SLC35A1: variants seen among roughly 807,000 people sequenced by gnomAD.
SLC35A1 encodes the protein CMP-sialic acid transporter.
A neutral mutation model predicts 40.3 loss-of-function variants in SLC35A1; 21 were observed. That is an observed-to-expected ratio of 0.52 (90% CI 0.37 to 0.75). The LOEUF (loss-of-function observed/expected upper bound fraction) is 0.75, where lower values mean the gene tolerates loss of function less well. Among genes scored for constraint, SLC35A1 ranks in the 30% least tolerant of loss-of-function variants. The pLI, the probability that SLC35A1 is intolerant of heterozygous loss-of-function variation, is 0.00. For missense variants in SLC35A1, 297 were observed against 382.1 expected (o/e 0.78, Z 1.86); for synonymous variants, 146 against 147.3 (o/e 0.99, Z 0.06).
intron 4 of SLC35A1, among the ~76,000 whole-genome samples, chr6:87,505,933 C>T (rs1582194755): frequency 6.6e-6 from 1 of 152,106 alleles, no homozygotes; most frequent in Non-Finnish European, 1.5e-5. Flanking sequence ...ACTAAAAATT[C>T]AATAAATTGG....
intron 2 of SLC35A1, among the ~76,000 whole-genome samples, chr6:87,487,729 G>A (rs1207470952): frequency 6.6e-6 from 1 of 152,190 alleles, no homozygotes; most frequent in Non-Finnish European, 1.5e-5. Context: ...TGCAAAAAAT[G>A]TGGTACTGAA....
intron 4 of SLC35A1, among the ~76,000 whole-genome samples, chr6:87,501,699 C>T (rs1447235349): frequency 1.3e-5 from 2 of 152,188 alleles, no homozygotes; most frequent in Non-Finnish European, 2.9e-5. Context: ...TCAAACATCT[C>T]AGAAACACTG....
intron 2 of SLC35A1, among the ~76,000 whole-genome samples, chr6:87,489,413 G>GTT (rs1335061820): frequency 6.6e-6 from 1 of 151,698 alleles, no homozygotes; most frequent in African/African-American, 2.4e-5. Context: ...TGCTCCTCAT[G>GTT]TTTTGCTCTC....
At chr6:87,511,330 T>C in intron 7 of SLC35A1, 69 bp from the exon 8 acceptor site, 1 of 1,562,172 alleles carries the variant, frequency 6.4e-7, no homozygotes, top group South Asian at 1.1e-5. Flanking sequence ...GTTTTCAAAA[T>C]TTTAAACTGA....
rs1246048227 is a variant in SLC35A1, at chr6:87,509,099, C to A, written c.810C>A (p.Ile270=). 1 of 1,613,958 alleles carries A rather than the reference C, an allele frequency of 6.2e-7. No individual in the cohort carries two copies. The highest frequency in any genetic ancestry group is 2.2e-5 in the East Asian group (1 of 44,890). The part of the protein sequence containing the change: ...TSVVVKYTDN[I]MKGFSAAAAI... ...TTGTGGTTAAGTACACAGACAACAT[C>A]ATGAAAGGCTTTTCTGCAGCAGCGG... The change falls in exon 7 of 8, where the codon ATC becomes ATA. Residue 270 remains isoleucine, a synonymous_variant. Transcript: ENST00000369552.
intron 4 of SLC35A1, among the ~76,000 whole-genome samples, chr6:87,504,832 C>T (rs1770030102): frequency 6.6e-6 from 1 of 152,212 alleles, no homozygotes. Context: ...AGCTTCCCAG[C>T]AGATGTTGGG....
At chr6:87,498,284 A>C (rs1769802525) in intron 2 of SLC35A1, among the ~76,000 whole-genome samples, 1 of 152,076 alleles carries the variant, frequency 6.6e-6, no homozygotes, top group African/African-American at 2.4e-5. Context: ...GGGCACTAAA[A>C]CTTGCACTTC....
intron 5 of SLC35A1, among the ~76,000 whole-genome samples, chr6:87,507,289 A>AAATTTAAATT (rs1334068170): frequency 6.6e-6 from 1 of 152,180 alleles, no homozygotes; most frequent in East Asian, 1.9e-4. Flanking sequence ...TACGAGGGGA[A>AAATTTAAATT]AATTTAAATT....
chr6:87,496,317 T>C (rs978958958), intron 2 of SLC35A1, among the ~76,000 whole-genome samples: 2 of 152,184 alleles, frequency 1.3e-5, no homozygotes, highest in African/African-American at 2.4e-5. Context: ...ATAAAAAGAA[T>C]TGTTCAAATA....
chr6:87,504,235 G>A (rs890397884), intron 4 of SLC35A1, among the ~76,000 whole-genome samples: 30 of 140,750 alleles, frequency 2.1e-4, no homozygotes, highest in Non-Finnish European at 4.0e-4. Flanking sequence ...AGGCTGTAGT[G>A]AACCATGATT....
chr6:87,491,835 A>C (rs557334053), intron 2 of SLC35A1, among the ~76,000 whole-genome samples: 1 of 152,274 alleles, frequency 6.6e-6, no homozygotes, highest in Non-Finnish European at 1.5e-5. Flanking sequence ...CTCTTCTTAT[A>C]AGGCACTAAT....
chr6:87,508,176 G>C (rs1770143739), intron 5 of SLC35A1, among the ~76,000 whole-genome samples: 2 of 152,018 alleles, frequency 1.3e-5, no homozygotes, highest in Admixed American at 6.6e-5. Flanking sequence ...ACAGCCTTCT[G>C]TTAAATGTAG....
intron 4 of SLC35A1, among the ~76,000 whole-genome samples, chr6:87,503,616 G>A (rs1162059228): frequency 6.6e-6 from 1 of 152,150 alleles, no homozygotes; most frequent in African/African-American, 2.4e-5. Flanking sequence ...GGAGGCTGAG[G>A]CAGGAGAATC....
chr6:87,506,553 A>G, intron 5 of SLC35A1, 105 bp downstream of exon 5: 1 of 921,148 alleles, frequency 1.1e-6, no homozygotes, highest in Non-Finnish European at 1.8e-6. Context: ...TATTCCCATT[A>G]AACTTGATCT....
intron 2 of SLC35A1, among the ~76,000 whole-genome samples, chr6:87,498,370 AC>A (rs1769805882): frequency 6.6e-6 from 1 of 152,222 alleles, no homozygotes. Flanking sequence ...CTTCTCTGAT[AC>A]ATCACCTTAT....
intron 3 of SLC35A1, 126 bp from the exon 4 acceptor site, chr6:87,501,032 G>C (rs538559515): frequency 1.1e-6 from 1 of 939,186 alleles, no homozygotes; most frequent in South Asian, 1.4e-5. Flanking sequence ...TTACAGGTGT[G>C]AGCCACCGTG....
chr6:87,501,534 C>T (rs1769923875), intron 4 of SLC35A1, among the ~76,000 whole-genome samples: 1 of 152,130 alleles, frequency 6.6e-6, no homozygotes, highest in African/African-American at 2.4e-5. Context: ...ACAGATGGAA[C>T]ATACCTTAGA....
chr6:87,476,790 C>T (rs1302151405), intron 1 of SLC35A1, among the ~76,000 whole-genome samples: 2 of 151,838 alleles, frequency 1.3e-5, no homozygotes, highest in African/African-American at 2.4e-5. Context: ...CTTCAGGAGG[C>T]GGAGGTGGGC....
At chr6:87,479,800 C>T (rs1769197065) in intron 2 of SLC35A1, among the ~76,000 whole-genome samples, 1 of 152,086 alleles carries the variant, frequency 6.6e-6, no homozygotes, top group Admixed American at 6.5e-5. Flanking sequence ...AATTGTGACC[C>T]ACCAAAATAT....
Sources: allele counts gnomAD v4.1 joint callset (sites outside exome capture counted in the v4.1 genomes callset), GRCh38; gene constraint gnomAD v4.1.1; transcripts MANE v1.5; gene names NCBI Gene and HGNC (gene_info 2026-07-23, HGNC 2026-07-21).